MKRN1: variants seen among roughly 807,000 people sequenced by gnomAD.
MKRN1 encodes makorin ring finger protein 1.
In MKRN1, 9 loss-of-function variants were observed where a neutral mutation model predicts 55.5. That is an observed-to-expected ratio of 0.16 (90% confidence interval 0.10 to 0.28). The LOEUF (loss-of-function observed/expected upper bound fraction) is 0.28. MKRN1 is among the 10% of genes least tolerant of loss of function. The pLI is 1.00. For synonymous variants in MKRN1, 253 were observed against 235.9 expected (o/e 1.07, Z -0.66); for missense variants, 488 against 626.7 (o/e 0.78, Z 2.36).
At chr7:140,463,699 C>A (rs1308578683) in intron 2 of MKRN1, among the ~76,000 whole-genome samples, 3 of 151,966 alleles carry the variant, frequency 2.0e-5, no homozygotes, top group Non-Finnish European at 4.4e-5. Context: ...TCCTGGCTAA[C>A]ACGGTGAAAC....
At chr7:140,466,589 G>C (rs1794772713) in intron 2 of MKRN1, among the ~76,000 whole-genome samples, 1 of 151,996 alleles carries the variant, frequency 6.6e-6, no homozygotes, top group African/African-American at 2.4e-5. Context: ...TGGATCATGA[G>C]GTCAGGAGAT....
intron 1 of MKRN1, chr7:140,474,311 C>T: frequency 5.4e-6 from 1 of 186,036 alleles, no homozygotes; most frequent in Non-Finnish European, 1.2e-5. Flanking sequence ...TCCTGGCTAA[C>T]ACAGTGAAAC....
At chr7:140,465,626 C>T (rs758183727) in intron 2 of MKRN1, among the ~76,000 whole-genome samples, 32 of 152,148 alleles carry the variant, frequency 2.1e-4, no homozygotes, top group Non-Finnish European at 3.8e-4. Flanking sequence ...GAACTGGCCT[C>T]ACTAAACAAA....
chr7:140,479,059 G>C lies in MKRN1; in HGVS notation c.185+101C>G. On this transcript the variant is annotated intron_variant, in intron 1 of 7. Transcript: ENST00000255977. ...AGACAACGCCGGTCCCCGCCCTCCC[G>C]CGCCTCTAGCCGCAGGCCGGCCGCC... The C allele has an allele frequency of 2.5e-6, 3 of 1,214,618 alleles. No homozygotes were observed. The South Asian group carries it at 1.1e-4, about 43-fold the overall frequency. 75.2% of individuals were successfully genotyped at this position (1,214,618 alleles called of 1,614,324 possible).
Position 140,479,299 on chromosome 7 carries a change from C to A in MKRN1, c.46G>T (p.Ala16Ser). 7.3e-7 allele frequency: 1 copy of A among 1,366,422 alleles called. No individual in the cohort carries two copies. Among genetic ancestry groups the A allele is most frequent in the Non-Finnish European group, 9.5e-7 (1 of 1,057,356 alleles). The allele number at this position is 1,366,422 out of a possible 1,614,324, so 84.6% of individuals were successfully genotyped here. The change falls in exon 1 of 8, where the codon GCA becomes TCA. Residue 16 changes from alanine (A) to serine (S), a missense_variant. Ala to Ser is a moderately conservative substitution (Grantham distance 99). Transcript: ENST00000255977. The stretch of plus-strand genomic sequence containing the variant: ...GCCGCCGTCGCCGCTGCCGCTCCTG[C>A]TCCTGATGTTGTGGCTGTTGTTCCG... ...TPGTTATTSG[A>S]GAAAATAAAA...
chr7:140,471,209 C>T (rs1442952023), intron 2 of MKRN1, among the ~76,000 whole-genome samples: 8 of 151,960 alleles, frequency 5.3e-5, no homozygotes, highest in Non-Finnish European at 1.0e-4. Flanking sequence ...CATATTAAGA[C>T]CCCCATCTCT....
chr7:140,479,153 G>T lies in MKRN1; in HGVS notation c.185+7C>A, dbSNP rs779106753. ...CGCGCCCGGCGCTCCGCCGCGCAACGTCCTACCTGCAGGTGACCTGTTTAG... is the reference window on the plus strand; with the variant it reads ...CGCGCCCGGCGCTCCGCCGCGCAACTTCCTACCTGCAGGTGACCTGTTTAG... On this transcript the variant is annotated splice_region_variant and intron_variant, in intron 1 of 7. Coordinates refer to ENST00000255977, the MANE Select transcript of MKRN1 (RefSeq NM_013446.4). 2.2e-6 allele frequency: 3 copies of T among 1,377,326 alleles called. No individual in the cohort carries two copies. In the South Asian group the frequency reaches 5.1e-5, roughly 24 times the overall value. 85.3% of individuals were successfully genotyped at this position (1,377,326 alleles called of 1,614,324 possible).
chr7:140,478,964 C>G, intron 1 of MKRN1, 196 bp downstream of exon 1: 1 of 604,720 alleles, frequency 1.7e-6, no homozygotes, highest in East Asian at 4.1e-5. Flanking sequence ...GGCTCCGCGG[C>G]CCAGCGGGGG....
At chr7:140,475,266 C>T (rs1161214943) in intron 1 of MKRN1, 2 of 432,936 alleles carry the variant, frequency 4.6e-6, no homozygotes, top group South Asian at 3.2e-5. Context: ...TTCCTTGAAC[C>T]CAGGAGGCAG....
chr7:140,470,895 CA>C (rs1428364457), intron 2 of MKRN1, among the ~76,000 whole-genome samples: 1 of 152,188 alleles, frequency 6.6e-6, no homozygotes, highest in Non-Finnish European at 1.5e-5. Context: ...CCAGCCTGGG[CA>C]ACAGAGGGAC....
At chr7:140,474,835 C>G (rs1183202201) in intron 1 of MKRN1, among the ~76,000 whole-genome samples, 1 of 151,736 alleles carries the variant, frequency 6.6e-6, no homozygotes, top group Non-Finnish European at 1.5e-5. Context: ...TCTCCCACCT[C>G]AGCCTCCAGA....
intron 1 of MKRN1, among the ~76,000 whole-genome samples, chr7:140,476,688 A>C (rs1238575017): frequency 1.3e-5 from 2 of 151,838 alleles, no homozygotes; most frequent in Non-Finnish European, 1.5e-5. Context: ...TATCCTGTTC[A>C]TGATACTGGA....
At chr7:140,456,217 G>A (rs1794462531) in intron 5 of MKRN1, 1 of 1,146,350 alleles carries the variant, frequency 8.7e-7, no homozygotes, top group Non-Finnish European at 1.1e-6. Flanking sequence ...TTTATTTCTT[G>A]TAGCTTTGCT....
chr7:140,478,668 AGAGAG>A (rs1234000004), intron 1 of MKRN1: 1 of 152,534 alleles, frequency 6.6e-6, no homozygotes, highest in Non-Finnish European at 1.5e-5. Flanking sequence ...GATGGCACGG[AGAGAG>A]GAGAGGGCCG....
At chr7:140,457,697 CA>C (rs756112935) in intron 4 of MKRN1, among the ~76,000 whole-genome samples, 1 of 148,424 alleles carries the variant, frequency 6.7e-6, no homozygotes, top group Non-Finnish European at 1.5e-5. Context: ...GACTCTGTCT[CA>C]AAAAAAAATA....
At chr7:140,473,226 A>C (rs1563096199) in intron 1 of MKRN1, 3 of 429,660 alleles carry the variant, frequency 7.0e-6, no homozygotes, top group South Asian at 3.4e-5. Context: ...AAAAAAAAAA[A>C]ACATCATCCA....
chr7:140,459,663 C>T (rs776851592), intron 3 of MKRN1, 44 bp downstream of exon 3: 1 of 1,562,596 alleles, frequency 6.4e-7, no homozygotes, highest in South Asian at 1.1e-5. Flanking sequence ...GGATGAACTG[C>T]TATCCAGCCC....
At chr7:140,469,289 G>A (rs1489430003) in intron 2 of MKRN1, among the ~76,000 whole-genome samples, 2 of 150,652 alleles carry the variant, frequency 1.3e-5, no homozygotes, top group East Asian at 2.0e-4. Flanking sequence ...TCCCACCACC[G>A]CACTCCAGCC....
At chr7:140,464,559 G>C (rs1326238683) in intron 2 of MKRN1, among the ~76,000 whole-genome samples, 1 of 152,060 alleles carries the variant, frequency 6.6e-6, no homozygotes, top group Non-Finnish European at 1.5e-5. Context: ...AAAAGAATTA[G>C]CTGGGCATGG....
Sources: allele counts gnomAD v4.1 joint callset (sites outside exome capture counted in the v4.1 genomes callset), GRCh38; gene constraint gnomAD v4.1.1; transcripts MANE v1.5; gene names NCBI Gene and HGNC (gene_info 2026-07-23, HGNC 2026-07-21).